Variants in SLC35F3 observed in about 807,000 individuals in gnomAD.
The protein encoded by SLC35F3 is solute carrier family 35 member F3.
SLC35F3 carries 25 observed loss-of-function variants against 49.9 expected under a neutral mutation model. The observed-to-expected ratio is 0.50, with a 90% CI of 0.37 to 0.70. The LOEUF (loss-of-function observed/expected upper bound fraction) is 0.70. Ranked by LOEUF, SLC35F3 falls within the 30% of genes least tolerant of loss-of-function variation. SLC35F3 has a pLI of 0.00. For synonymous variants in SLC35F3, 275 were observed against 265.4 expected (o/e 1.04, Z -0.35); for missense variants, 525 against 639.8 (o/e 0.82, Z 1.94).
At chr1:234,307,564 T>G (rs986777582) in intron 3 of SLC35F3, among the ~76,000 whole-genome samples, 7 of 152,216 alleles carry the variant, frequency 4.6e-5, no homozygotes, top group Admixed American at 1.3e-4. Flanking sequence ...TTGTTTTTAA[T>G]TTTCCTCCTT....
chr1:234,318,551 G>A (rs1457844148), intron 5 of SLC35F3, among the ~76,000 whole-genome samples, 200 bp from the exon 6 acceptor site: 2 of 152,164 alleles, frequency 1.3e-5, no homozygotes, highest in Non-Finnish European at 2.9e-5. Context: ...TATAGCTAAA[G>A]AGCAACCCTC....
At chr1:234,169,332 G>A (rs1382657943) in intron 2 of SLC35F3, among the ~76,000 whole-genome samples, 3 of 152,184 alleles carry the variant, frequency 2.0e-5, no homozygotes, top group Non-Finnish European at 2.9e-5. Flanking sequence ...GCCCAGTCAA[G>A]CTGACACATA....
chr1:234,070,214 C>G (rs934954585), intron 2 of SLC35F3, among the ~76,000 whole-genome samples: 1 of 152,158 alleles, frequency 6.6e-6, no homozygotes, highest in Non-Finnish European at 1.5e-5. Flanking sequence ...CTCATGCATT[C>G]CCCAGAAGGT....
chr1:233,924,941 T>C (rs1448652801), intron 2 of SLC35F3, among the ~76,000 whole-genome samples: 5 of 152,222 alleles, frequency 3.3e-5, no homozygotes, highest in African/African-American at 1.2e-4. Flanking sequence ...AGATGTGCGG[T>C]TCTGAGTGAG....
intron 2 of SLC35F3, among the ~76,000 whole-genome samples, chr1:234,081,160 C>T (rs1017568007): frequency 6.6e-6 from 1 of 152,142 alleles, no homozygotes; most frequent in African/African-American, 2.4e-5. Context: ...CTACATGAAC[C>T]CATGCCTCGG....
At chr1:234,162,811 G>C (rs1389022464) in intron 2 of SLC35F3, among the ~76,000 whole-genome samples, 1 of 152,208 alleles carries the variant, frequency 6.6e-6, no homozygotes, top group African/African-American at 2.4e-5. Flanking sequence ...AGACAGTAAT[G>C]AACCCTGTCT....
intron 2 of SLC35F3, among the ~76,000 whole-genome samples, chr1:233,970,670 C>T (rs914982467): frequency 6.6e-6 from 1 of 152,074 alleles, no homozygotes; most frequent in Non-Finnish European, 1.5e-5. Flanking sequence ...TCCAATAGGC[C>T]TTGTGTCTTA....
intron 2 of SLC35F3, among the ~76,000 whole-genome samples, chr1:234,127,492 C>T (rs1240561518): frequency 6.6e-6 from 1 of 152,168 alleles, no homozygotes; most frequent in Non-Finnish European, 1.5e-5. Context: ...GTATAGAAAG[C>T]CATCTCCTGG....
At position 234,209,133 on chromosome 1, in the gene SLC35F3, A is replaced by G. The variant is rs553624143; in HGVS notation, c.284-22284A>G. On this transcript the variant is annotated intron_variant, in intron 2 of 7. Coordinates refer to ENST00000366618, the MANE Select transcript of SLC35F3 (RefSeq NM_173508.4). ...ATGCTAACACCCTCAAAAGAGGAAT[A>G]GGGGTCAGAGGTCAAATGACCCATC... Among the ~76,000 whole-genome samples, 6 of 152,346 alleles carry G rather than the reference A, an allele frequency of 3.9e-5. No individual in the cohort carries two copies. In the East Asian group the frequency reaches 1.2e-3, roughly 29 times the overall value.
At chr1:233,950,313 G>A (rs1351478515) in intron 2 of SLC35F3, among the ~76,000 whole-genome samples, 1 of 148,070 alleles carries the variant, frequency 6.8e-6, no homozygotes, top group African/African-American at 2.5e-5. Flanking sequence ...ATGGACCCAT[G>A]AGGCGGAGCT....
Position 233,937,066 on chromosome 1 carries a change from C to T in SLC35F3, c.283+31308C>T, listed in dbSNP as rs145627294. Among the ~76,000 whole-genome samples, 26 of 152,274 alleles carry T rather than the reference C, an allele frequency of 1.7e-4. No homozygotes were observed. The East Asian group carries it at 4.4e-3, about 26-fold the overall frequency. On this transcript the variant is annotated intron_variant, in intron 2 of 7. Transcript: ENST00000366618. ...GTCAGCATTTTACCATCCCTGCTTC[C>T]ACTCCCATCTACCCCCATGAATCTA...
chr1:234,170,773 C>T (rs576747883), intron 2 of SLC35F3, among the ~76,000 whole-genome samples: 109 of 152,294 alleles, frequency 7.2e-4, no homozygotes, highest in Non-Finnish European at 9.4e-4. Context: ...GTTTGAGGAG[C>T]GTTCAAGGAA....
chr1:234,055,559 G>T (rs986709746), intron 2 of SLC35F3, among the ~76,000 whole-genome samples: 1 of 152,220 alleles, frequency 6.6e-6, no homozygotes, highest in African/African-American at 2.4e-5. Context: ...GTCTGTCACG[G>T]CTTCCCTTGG....
chr1:234,137,998 G>A (rs1665836688), intron 2 of SLC35F3, among the ~76,000 whole-genome samples: 1 of 152,146 alleles, frequency 6.6e-6, no homozygotes, highest in Admixed American at 6.5e-5. Context: ...AAGAGAGAGA[G>A]TTAATAAGAA....
chr1:234,017,141 A>G (rs1663812990), intron 2 of SLC35F3, among the ~76,000 whole-genome samples: 2 of 152,194 alleles, frequency 1.3e-5, no homozygotes, highest in African/African-American at 2.4e-5. Context: ...ATGCTCCACA[A>G]AGTTACCATG....
intron 3 of SLC35F3, among the ~76,000 whole-genome samples, chr1:234,306,272 T>G (rs982682071): frequency 1.3e-5 from 2 of 152,186 alleles, no homozygotes; most frequent in African/African-American, 4.8e-5. Context: ...GTGATTCTCC[T>G]GCCTCAGGCT....
intron 3 of SLC35F3, among the ~76,000 whole-genome samples, chr1:234,248,595 C>T (rs1667684881): frequency 6.6e-6 from 1 of 152,024 alleles, no homozygotes; most frequent in Non-Finnish European, 1.5e-5. Flanking sequence ...AGCAGAGGAA[C>T]ACTTCCTTCT....
At chr1:234,309,027 AAC>A in intron 3 of SLC35F3, 72 bp from the exon 4 acceptor site, 2 of 1,309,704 alleles carry the variant, frequency 1.5e-6, no homozygotes, top group Non-Finnish European at 2.1e-6. Flanking sequence ...AAAAAAAAAA[AAC>A]TTGCTATAGG....
chr1:233,982,161 G>A (rs926110597), intron 2 of SLC35F3, among the ~76,000 whole-genome samples: 4 of 152,194 alleles, frequency 2.6e-5, no homozygotes, highest in Non-Finnish European at 5.9e-5. Flanking sequence ...CTGGCCTCAA[G>A]CAATCTGCCC....
Sources: gnomAD v4.1 joint callset for allele counts (sites outside exome capture counted in the v4.1 genomes callset) on GRCh38, gnomAD v4.1.1 for gene constraint, MANE v1.5 for transcripts, NCBI Gene and HGNC (gene_info 2026-07-23, HGNC 2026-07-21) for gene names.